Variants in ZNF566 observed in about 807,000 individuals in gnomAD.
The protein encoded by ZNF566 is zinc finger protein 566.
In ZNF566, 27 loss-of-function variants were observed where a neutral mutation model predicts 32.8. The observed-to-expected ratio is 0.82, with a 90% CI of 0.61 to 1.14. ZNF566 has a LOEUF of 1.14. Among genes scored for constraint, ZNF566 ranks in the 50% most tolerant of loss-of-function variants. The probability of loss-of-function intolerance (pLI) is 0.00; values close to 1 mark genes in which losing one functional copy is unlikely to be tolerated. For synonymous variants in ZNF566, 154 were observed against 159.5 expected, an observed-to-expected ratio of 0.97 and a Z score of 0.26; for missense variants, 402 against 490.4, an observed-to-expected ratio of 0.82 and a Z score of 1.70.
intron 4 of ZNF566, among the ~76,000 whole-genome samples, chr19:36,455,144 T>A (rs1416887796): frequency 6.6e-6 from 1 of 152,172 alleles, no homozygotes; most frequent in East Asian, 1.9e-4. Context: ...AGGAAAGTCA[T>A]CTTACAAAAT....
intron 1 of ZNF566, among the ~76,000 whole-genome samples, chr19:36,477,301 C>T (rs1038098067): frequency 5.3e-5 from 8 of 152,186 alleles, no homozygotes; most frequent in Admixed American, 2.6e-4. Flanking sequence ...TGAGCCACCG[C>T]GCCTGGCCAT....
At chr19:36,464,301 G>A (rs963633403) in intron 4 of ZNF566, among the ~76,000 whole-genome samples, 2 of 151,968 alleles carry the variant, frequency 1.3e-5, no homozygotes, top group Non-Finnish European at 2.9e-5. Flanking sequence ...AAGAATAGAC[G>A]GAGTTTTCAT....
intron 2 of ZNF566, 62 bp downstream of exon 2, chr19:36,476,487 A>G: frequency 6.8e-7 from 1 of 1,475,188 alleles, no homozygotes; most frequent in Non-Finnish European, 9.4e-7. Flanking sequence ...GAGGAAAGCA[A>G]ATGTTTACAG....
intron 4 of ZNF566, among the ~76,000 whole-genome samples, chr19:36,454,279 A>T (rs1343087069): frequency 1.3e-5 from 2 of 152,228 alleles, no homozygotes; most frequent in African/African-American, 4.8e-5. Context: ...TGGTAACCAC[A>T]GAGAAAAACT....
chr19:36,466,721 T>C (rs2033621890), intron 4 of ZNF566, among the ~76,000 whole-genome samples: 1 of 152,198 alleles, frequency 6.6e-6, no homozygotes, highest in Non-Finnish European at 1.5e-5. Context: ...TTGTAGTTTG[T>C]AGAACATGCA....
chr19:36,478,459 A>G (rs1359717863), intron 1 of ZNF566, among the ~76,000 whole-genome samples: 1 of 152,016 alleles, frequency 6.6e-6, no homozygotes, highest in Non-Finnish European at 1.5e-5. Flanking sequence ...TGTACCTTCC[A>G]AGCAGGATGG....
At chr19:36,478,978 C>A (rs79596668) in intron 1 of ZNF566, among the ~76,000 whole-genome samples, 3,326 of 152,264 alleles carry the variant, frequency 0.022, 47 homozygotes, top group Middle Eastern at 0.054. Context: ...GAAATAGGAA[C>A]TGATGAACAC....
chr19:36,459,671 C>T lies in ZNF566; in HGVS notation c.233-9670G>A, dbSNP rs187174844. On this transcript the variant is annotated intron_variant, in intron 4 of 4. Coordinates refer to ENST00000452939, the MANE Select transcript of ZNF566 (RefSeq NM_001145344.1). ...GATTACAGGCATGCGCCACCACGCC[C>T]GGCTAATTTTTTGTATTTTTAGTAA... Among the ~76,000 whole-genome samples, 1,088 of 151,318 alleles carry T rather than the reference C, an allele frequency of 7.2e-3. 13 individuals are homozygous for T. Among genetic ancestry groups the T allele is most frequent in the African/African-American group, 0.025 (1,028 of 41,194 alleles).
At chr19:36,476,369 A>C in intron 2 of ZNF566, 180 bp downstream of exon 2, 1 of 423,596 alleles carries the variant, frequency 2.4e-6, no homozygotes, top group Non-Finnish European at 4.2e-6. Flanking sequence ...TTTTTTTTCT[A>C]TGAATTGGCC....
chr19:36,452,862 G>A (rs2033192327), intron 4 of ZNF566, among the ~76,000 whole-genome samples: 2 of 152,128 alleles, frequency 1.3e-5, no homozygotes, highest in South Asian at 4.1e-4. Flanking sequence ...GCTCACACCT[G>A]TAATCCTAGC....
chr19:36,474,017 C>T (rs1439645325), intron 2 of ZNF566, among the ~76,000 whole-genome samples: 2 of 152,190 alleles, frequency 1.3e-5, no homozygotes, highest in African/African-American at 4.8e-5. Context: ...CTGACCTAGA[C>T]TTTCATAAAC....
chr19:36,479,551 A>G (rs2033974565), intron 1 of ZNF566, among the ~76,000 whole-genome samples: 1 of 152,252 alleles, frequency 6.6e-6, no homozygotes, highest in Non-Finnish European at 1.5e-5. Context: ...TTGGTAAGAG[A>G]AATTAAGGAT....
intron 4 of ZNF566, among the ~76,000 whole-genome samples, chr19:36,454,147 C>T (rs184554540): frequency 3.9e-5 from 6 of 152,236 alleles, no homozygotes; most frequent in Non-Finnish European, 8.8e-5. Flanking sequence ...TATCCTCCCA[C>T]CTCAGCCTCC....
intron 4 of ZNF566, among the ~76,000 whole-genome samples, chr19:36,457,378 G>C (rs1208359148): frequency 6.6e-6 from 1 of 152,162 alleles, no homozygotes; most frequent in Admixed American, 6.5e-5. Flanking sequence ...AGAGTGAAGA[G>C]ACTATCCACA....
chr19:36,448,988 A>T lies in ZNF566; in HGVS notation c.1246T>A (p.Leu416Met). The T allele has an allele frequency of 6.3e-7, 1 of 1,580,708 alleles. No individual in the cohort carries two copies. Residue 416 changes from leucine (L) to methionine (M), a missense_variant, in exon 5 of 5, where the codon TTG becomes ATG. Around this residue, in one of 3 missense-constraint regions of ZNF566, gnomAD observed 47 missense variants for 38.5 expected, o/e 1.22. Transcript: ENST00000452939. The stretch of plus-strand genomic sequence containing the variant: ...TATATTCTGTTTCATCACCAGTACA[A>T]ATTTTGATGCTGAATAAGTTGTGGG... ...YDPQLIQHQN[L>M]YW
intron 3 of ZNF566, 60 bp downstream of exon 3, chr19:36,473,272 A>T: frequency 1.1e-5 from 17 of 1,598,016 alleles, no homozygotes; most frequent in Non-Finnish European, 1.5e-5. Flanking sequence ...AGCATTTCAC[A>T]TTGGAGGAAG....
chr19:36,469,194 A>G (rs1490590943), intron 4 of ZNF566, among the ~76,000 whole-genome samples: 1 of 151,890 alleles, frequency 6.6e-6, no homozygotes, highest in Non-Finnish European at 1.5e-5. Context: ...ATTTTTTAGA[A>G]TTACATGAGA....
intron 4 of ZNF566, among the ~76,000 whole-genome samples, chr19:36,459,329 C>T (rs955364585): frequency 3.9e-5 from 6 of 152,104 alleles, no homozygotes; most frequent in African/African-American, 1.4e-4. Context: ...TTGTGTTTGC[C>T]TCAGCCTCCC....
In ZNF566 at chr19:36,448,981, C is replaced by A; in HGVS notation, c.1253G>T (p.Trp418Leu). ...CATTTCATATATTCTGTTTCATCAC[C>A]AGTACAAATTTTGATGCTGAATAAG... Reference protein sequence around the residue: ...PQLIQHQNLYW With the variant: ...PQLIQHQNLYL Residue 418 changes from tryptophan (W) to leucine (L), a missense_variant, in exon 5 of 5, where the codon TGG becomes TTG. By Grantham distance (61) the Trp-to-Leu change is moderately conservative. Coordinates refer to ENST00000452939, the MANE Select transcript of ZNF566 (RefSeq NM_001145344.1). The A allele has an allele frequency of 6.4e-7, 1 of 1,573,478 alleles. No individual in the cohort carries two copies. Among genetic ancestry groups the A allele is most frequent in the Non-Finnish European group, 8.6e-7 (1 of 1,163,642 alleles).
Sources: allele counts gnomAD v4.1 joint callset (sites outside exome capture counted in the v4.1 genomes callset), GRCh38; gene constraint gnomAD v4.1.1; regional missense constraint gnomAD v4.1.1; transcripts MANE v1.5; gene names NCBI Gene and HGNC (gene_info 2026-07-23, HGNC 2026-07-21).